Variants in CERK observed in about 807,000 individuals in gnomAD.
CERK encodes ceramide kinase.
CERK carries 39 observed loss-of-function variants against 63.4 expected under a neutral mutation model. The observed-to-expected ratio is 0.61, with a 90% CI of 0.48 to 0.80. The LOEUF is 0.80. CERK is among the 30% of genes least tolerant of loss of function. CERK has a pLI of 0.00. For synonymous variants in CERK, 302 were observed against 280.0 expected (o/e 1.08, Z -0.78); for missense variants, 670 against 714.1 (o/e 0.94, Z 0.70).
rs1485300303 is a variant in CERK, at chr22:46,738,138, G to A, written c.11C>T (p.Thr4Met). 1.7e-6 allele frequency: 2 copies of A among 1,211,168 alleles called. No individual in the cohort carries two copies. Among genetic ancestry groups the A allele is most frequent in the East Asian group, 4.1e-5 (1 of 24,318 alleles). 75.0% of individuals were successfully genotyped at this position (1,211,168 alleles called of 1,614,324 possible). MGA[T>M]GAAEPLQSVL... ...GGATTGCAGCGGCTCCGCCGCCCCC[G>A]TCGCCCCCATCTCCGCCGCCGGGCT... Residue 4 changes from threonine (T) to methionine (M), a missense_variant, in exon 1 of 13, where the codon ACG becomes ATG. Physicochemically the swap from Thr to Met is moderately conservative, Grantham distance 81 (BLOSUM62 -1). Transcript: ENST00000216264.
rs71192446 is a variant in CERK, at chr22:46,737,645, A to AC, written c.142+361dup. ...ATGCGCGCGGTGGGGAGCGCCTGGCACCCCCCCTCGGGATCCATCCACAGT... is the reference window on the plus strand; with the variant it reads ...ATGCGCGCGGTGGGGAGCGCCTGGCACCCCCCCCTCGGGATCCATCCACAGT... On this transcript the variant is annotated intron_variant, in intron 1 of 12. Transcript: ENST00000216264. Among the ~76,000 whole-genome samples the AC allele has an allele frequency of 2.3e-3, 344 of 151,846 alleles. 11 individuals carry two copies. In the East Asian group the frequency reaches 0.059, roughly 26 times the overall value.
rs748518406 is a variant in CERK at position 46,690,211 on chromosome 22, A to G, written c.1333-11T>C. 6 of 1,612,198 alleles carry G rather than the reference A, an allele frequency of 3.7e-6. No homozygotes were observed. Among genetic ancestry groups the G allele is most frequent in the Non-Finnish European group, 4.2e-6 (5 of 1,178,912 alleles). On this transcript the variant is annotated splice_polypyrimidine_tract_variant and intron_variant, in intron 11 of 12. Transcript: ENST00000216264. Reference sequence around the variant, plus strand: ...AAAAGTGAAGTCAAACTACCAAGAAACAGTGAGAGGGACCATTCAGCTCTA... The same window carrying G: ...AAAAGTGAAGTCAAACTACCAAGAAGCAGTGAGAGGGACCATTCAGCTCTA...
chr22:46,691,772 C>G lies in CERK; in HGVS notation c.1132G>C (p.Val378Leu). ...CCACAGACGACTTGCCACTCCTCCA[C>G]GTCCTCTGAAGCACAAAGAACCACG... The part of the protein sequence containing the change: ...ALYGLEAAED[V>L]EEWQVVCGKF... The change falls in exon 11 of 13, where the codon GTG (valine) becomes CTG (leucine). Residue 378 changes from valine to leucine, a missense_variant. By Grantham distance (32) the Val-to-Leu change is conservative. Coordinates refer to ENST00000216264, the MANE Select transcript of CERK (RefSeq NM_022766.6). The G allele has an allele frequency of 6.2e-7, 1 of 1,609,212 alleles. No individual in the cohort carries two copies. Among genetic ancestry groups the G allele is most frequent in the Non-Finnish European group, 8.5e-7 (1 of 1,176,322 alleles).
intron 3 of CERK, among the ~76,000 whole-genome samples, chr22:46,716,937 C>T (rs994425373): frequency 3.6e-5 from 5 of 140,688 alleles, no homozygotes; most frequent in African/African-American, 8.9e-5. Context: ...TCTGTCCCCC[C>T]ACCAAAAAAA....
intron 1 of CERK, among the ~76,000 whole-genome samples, chr22:46,737,391 T>C (rs1051731696): frequency 2.0e-5 from 3 of 151,970 alleles, no homozygotes; most frequent in African/African-American, 7.3e-5. Context: ...CTATGCGTCC[T>C]CCATGTTTAC....
intron 7 of CERK, among the ~76,000 whole-genome samples, chr22:46,701,204 C>A (rs2082781961): frequency 6.6e-6 from 1 of 152,196 alleles, no homozygotes; most frequent in Admixed American, 6.5e-5. Flanking sequence ...GCATCCTGGA[C>A]TGAAGCCTCG....
At chr22:46,720,466 G>C (rs1306221700) in intron 2 of CERK, among the ~76,000 whole-genome samples, 2 of 152,246 alleles carry the variant, frequency 1.3e-5, no homozygotes, top group Middle Eastern at 3.4e-3. Flanking sequence ...AGGCTGAGGC[G>C]GGCAGATCAC....
chr22:46,733,248 C>T (rs2082955196), intron 1 of CERK, among the ~76,000 whole-genome samples: 1 of 150,198 alleles, frequency 6.7e-6, no homozygotes, highest in African/African-American at 2.4e-5. Context: ...TTTCTCTATC[C>T]TATTTGTTGC....
chr22:46,715,966 C>T (rs934448364), intron 3 of CERK, among the ~76,000 whole-genome samples: 2 of 152,000 alleles, frequency 1.3e-5, no homozygotes, highest in Non-Finnish European at 2.9e-5. Context: ...TGGGAGGATT[C>T]TTTGAGCCTA....
At chr22:46,736,927 G>A (rs1310275055) in intron 1 of CERK, among the ~76,000 whole-genome samples, 5 of 152,076 alleles carry the variant, frequency 3.3e-5, no homozygotes, top group African/African-American at 9.7e-5. Flanking sequence ...CTTGGCCTCC[G>A]CCACACCCAC....
At chr22:46,697,904 A>G (rs135678) in intron 8 of CERK, among the ~76,000 whole-genome samples, 81,452 of 152,134 alleles carry the variant, frequency 0.54, 23,241 homozygotes, top group African/African-American at 0.73. Context: ...TTGTGTCTGA[A>G]CTGGCACCAG....
rs748887895 is a variant in CERK, at chr22:46,701,666, C to T, written c.760G>A (p.Ala254Thr). 5.5e-5 allele frequency: 86 copies of T among 1,559,446 alleles called. No individual in the cohort carries two copies. The highest frequency in any genetic ancestry group is 1.1e-4 in the Admixed American group (6 of 52,360). ...VCYSTVGTSD[A>T]ETSALHIVVG... The stretch of plus-strand genomic sequence containing the variant: ...ACGATATGCAGCGCCGAGGTTTCTG[C>T]GTCGCTGGTGCCCACGGTGGAGTAA... Residue 254 changes from alanine (A) to threonine (T), a missense_variant, in exon 7 of 13, where the codon GCA (alanine) becomes ACA (threonine). Coordinates refer to ENST00000216264, the MANE Select transcript of CERK (RefSeq NM_022766.6).
intron 1 of CERK, among the ~76,000 whole-genome samples, chr22:46,737,472 T>A (rs1000708452): frequency 6.6e-6 from 1 of 152,118 alleles, no homozygotes; most frequent in Admixed American, 6.5e-5. Context: ...CGGAAACCAA[T>A]TCCCCCATCC....
chr22:46,707,178 G>A (rs780437212), intron 6 of CERK, among the ~76,000 whole-genome samples: 2 of 146,662 alleles, frequency 1.4e-5, no homozygotes, highest in African/African-American at 5.2e-5. Flanking sequence ...GCACCATGCC[G>A]CCACCCTCGG....
At chr22:46,728,351 G>A (rs1430559389) in intron 1 of CERK, among the ~76,000 whole-genome samples, 1 of 152,128 alleles carries the variant, frequency 6.6e-6, no homozygotes, top group African/African-American at 2.4e-5. Context: ...GCTATGAAAG[G>A]CCACGGGGGC....
At chr22:46,713,937 G>A (rs1023340736) in intron 3 of CERK, among the ~76,000 whole-genome samples, 14 of 152,292 alleles carry the variant, frequency 9.2e-5, no homozygotes, top group African/African-American at 2.9e-4. Context: ...TTCAAGACCA[G>A]CCAGGGCGAT....
At chr22:46,716,306 T>C (rs190107270) in intron 3 of CERK, among the ~76,000 whole-genome samples, 78 of 151,716 alleles carry the variant, frequency 5.1e-4, no homozygotes, top group African/African-American at 1.8e-3. Flanking sequence ...TTCTCCTGCC[T>C]CAGCCTCTCG....
chr22:46,697,426 G>A (rs964644520), intron 8 of CERK, among the ~76,000 whole-genome samples: 18 of 152,026 alleles, frequency 1.2e-4, no homozygotes, highest in African/African-American at 3.6e-4. Flanking sequence ...TCAGCATCCC[G>A]AGTAACTGGG....
chr22:46,722,475 C>T (rs776372278), intron 1 of CERK, among the ~76,000 whole-genome samples: 1 of 151,808 alleles, frequency 6.6e-6, no homozygotes, highest in Non-Finnish European at 1.5e-5. Flanking sequence ...TGTGTGCATC[C>T]TCCTCCTGGG....
Sources: allele counts gnomAD v4.1 joint callset (sites outside exome capture counted in the v4.1 genomes callset), GRCh38; gene constraint gnomAD v4.1.1; transcripts MANE v1.5; gene names NCBI Gene and HGNC (gene_info 2026-07-23, HGNC 2026-07-21).